Variants in MYH11 observed in about 807,000 individuals in gnomAD.
MYH11 encodes myosin heavy chain 11.
MYH11 carries 80 observed loss-of-function variants against 246.6 expected under a neutral mutation model. The ratio of observed to expected loss-of-function variants is 0.32; its 90% CI spans 0.27 to 0.39. The LOEUF (loss-of-function observed/expected upper bound fraction) is 0.39, where lower values mean the gene tolerates loss of function less well. MYH11 is among the 10% of genes least tolerant of loss of function. The pLI is 1.00. For synonymous variants in MYH11, 1,071 were observed against 1,015.5 expected, an observed-to-expected ratio of 1.05 and a Z score of -1.04; for missense variants, 2,158 against 2,546.8, an observed-to-expected ratio of 0.85 and a Z score of 3.29.
At chr16:15,771,435 C>CCTTTT in intron 9 of MYH11, 134 bp downstream of exon 9, 1 of 703,382 alleles carries the variant, frequency 1.4e-6, no homozygotes, top group Non-Finnish European at 2.2e-6. Flanking sequence ...CATTTTCCTC[C>CCTTTT]TTTTTTTTTT....
At chr16:15,830,070 G>A (rs999202746) in intron 2 of MYH11, among the ~76,000 whole-genome samples, 2 of 152,260 alleles carry the variant, frequency 1.3e-5, no homozygotes, top group African/African-American at 4.8e-5. Flanking sequence ...AGGTGGCAGA[G>A]GTTGCAGTGA....
At chr16:15,713,280 A>C (rs12324990) in intron 40 of MYH11, 13,449 of 151,506 alleles carry the variant, frequency 0.089, 1,154 homozygotes, top group African/African-American at 0.22. Context: ...ACAGAGGTGC[A>C]CGGAGGTAGG....
At chr16:15,848,228 C>CTT (rs71134473) in intron 1 of MYH11, among the ~76,000 whole-genome samples, 7 of 104,374 alleles carry the variant, frequency 6.7e-5, no homozygotes, top group African/African-American at 2.0e-4. Context: ...GTTGCTAAGT[C>CTT]TTTTTTTTTT....
chr16:15,704,116 T>C lies in MYH11; in HGVS notation c.5794A>G (p.Asn1932Asp). The change falls in exon 41 of 41, where the codon AAC becomes GAC. Residue 1932 changes from asparagine to aspartate, a missense_variant. Asn to Asp is a conservative substitution (Grantham distance 23). Transcript: ENST00000300036. ...CTAGAAGGAACGAAAGAGGTCTCGT[T>C]TCCTCGCCTGTGGGTTGTAAGAAAA... ...NALKSKLRRGNETSFVPSRRS... is the reference protein window; with the variant it reads ...NALKSKLRRGDETSFVPSRRS... 2 of 1,614,120 alleles carry C rather than the reference T, an allele frequency of 1.2e-6. No individual in the cohort carries two copies. The highest frequency in any genetic ancestry group is 8.5e-7 in the Non-Finnish European group (1 of 1,179,996).
At chr16:15,714,502 G>GAGGGGGAGAA in intron 40 of MYH11, 1 of 324,280 alleles carries the variant, frequency 3.1e-6, no homozygotes, top group Middle Eastern at 1.0e-3. Flanking sequence ...CAGCAGTGCT[G>GAGGGGGAGAA]AGGGGGAGAA....
chr16:15,744,086 C>G (rs2041350197), intron 20 of MYH11, among the ~76,000 whole-genome samples: 1 of 150,618 alleles, frequency 6.6e-6, no homozygotes, highest in Non-Finnish European at 1.5e-5. Flanking sequence ...GCCTGGGTAA[C>G]AGAGTGAGAC....
chr16:15,777,020 C>T (rs4482303), intron 7 of MYH11, among the ~76,000 whole-genome samples: 28,282 of 151,936 alleles, frequency 0.19, 2,781 homozygotes, highest in East Asian at 0.29. Flanking sequence ...TAGCAGTGCC[C>T]GGGCTACCAC....
At chr16:15,715,891 C>T (rs749924449) in intron 38 of MYH11, among the ~76,000 whole-genome samples, 2 of 152,104 alleles carry the variant, frequency 1.3e-5, no homozygotes, top group South Asian at 2.1e-4. Context: ...TCTGGGAGGC[C>T]GAGGTGGGCA....
At chr16:15,747,388 T>C (rs1408353110) in intron 19 of MYH11, among the ~76,000 whole-genome samples, 182 bp downstream of exon 19, 1 of 152,166 alleles carries the variant, frequency 6.6e-6, no homozygotes, top group Non-Finnish European at 1.5e-5. Context: ...GTTCCCTTCC[T>C]GCACTCGTAA....
At chr16:15,854,799 TC>T (rs1190156408) in intron 1 of MYH11, among the ~76,000 whole-genome samples, 1 of 152,138 alleles carries the variant, frequency 6.6e-6, no homozygotes, top group Non-Finnish European at 1.5e-5. Flanking sequence ...CTGTTTGGAT[TC>T]AAGACCTGTG....
intron 28 of MYH11, 44 bp from the exon 29 acceptor site, chr16:15,725,036 G>A: frequency 2.6e-6 from 4 of 1,552,868 alleles, no homozygotes; most frequent in Non-Finnish European, 3.5e-6. Context: ...TCTAGAAGGG[G>A]ATCCTCGTTG....
At chr16:15,786,779 T>C (rs1417773303) in intron 4 of MYH11, 47 bp from the exon 5 acceptor site, 1 of 1,519,720 alleles carries the variant, frequency 6.6e-7, no homozygotes, top group Non-Finnish European at 9.1e-7. Context: ...CATGGTGACC[T>C]TTCCGCAGTT....
At chr16:15,828,582 C>G (rs1279864280) in intron 2 of MYH11, among the ~76,000 whole-genome samples, 1 of 152,156 alleles carries the variant, frequency 6.6e-6, no homozygotes. Flanking sequence ...CACTTGAGGT[C>G]AGGAGTTCGA....
chr16:15,718,783 C>T, intron 36 of MYH11: 1 of 438,292 alleles, frequency 2.3e-6, no homozygotes, highest in Non-Finnish European at 4.2e-6. Flanking sequence ...ACCTAACCAC[C>T]ATGGGTCTGT....
Position 15,794,168 on chromosome 16 carries a change from G to A in MYH11, c.530+4492C>T, listed in dbSNP as rs372045540. 4.6e-5 allele frequency among the ~76,000 whole-genome samples: 7 copies of A among 150,648 alleles called. No homozygotes were observed. The East Asian group carries it at 7.8e-4, about 17-fold the overall frequency. On this transcript the variant is annotated intron_variant, in intron 4 of 40. Coordinates refer to ENST00000300036, the MANE Select transcript of MYH11 (RefSeq NM_002474.3). ...TCACCGTGTTAGCCAGGATGGTCTC[G>A]AACTCCTGACCTCGTGATCCGCCCG...
rs1264656948 is a variant in MYH11, at chr16:15,714,919, T to C, written c.5776A>G (p.Ser1926Gly). ...AMGREVNALK[S>G]KLRRGNETSF... ...CCACGGGCTCCTCACCTGAGCTTGC[T>C]CTTGAGTGCGTTCACCTCGCGGCCC... Residue 1926 changes from serine to glycine, a missense_variant, in exon 40 of 41, where the codon AGC becomes GGC. Ser to Gly is a moderately conservative substitution (Grantham distance 56, BLOSUM62 0). Coordinates refer to ENST00000300036, the MANE Select transcript of MYH11 (RefSeq NM_002474.3). 2 of 1,613,960 alleles carry C rather than the reference T, an allele frequency of 1.2e-6. No homozygotes were observed. The highest frequency in any genetic ancestry group is 1.7e-6 in the Non-Finnish European group (2 of 1,180,018).
At chr16:15,756,820 CAG>C (rs2041733695) in intron 13 of MYH11, among the ~76,000 whole-genome samples, 2 of 104,886 alleles carry the variant, frequency 1.9e-5, no homozygotes, top group Admixed American at 2.5e-4. Context: ...TTTTTTGAGA[CAG>C]AGTTTTGCCT....
intron 5 of MYH11, among the ~76,000 whole-genome samples, chr16:15,783,818 A>G (rs2042408320): frequency 6.6e-6 from 1 of 152,166 alleles, no homozygotes; most frequent in Non-Finnish European, 1.5e-5. Flanking sequence ...TGATGAAACC[A>G]TAGCCCCGAG....
rs373601062 is a variant in MYH11, at chr16:15,760,601, A to G, written c.1187T>C (p.Ile396Thr). 1.9e-6 allele frequency: 3 copies of G among 1,614,164 alleles called. No individual in the cohort carries two copies. The highest frequency in any genetic ancestry group is 2.5e-6 in the Non-Finnish European group (3 of 1,180,020). The change falls in exon 11 of 41, where the codon ATC becomes ACC. Residue 396 changes from isoleucine (I) to threonine (T), a missense_variant. Around this residue, in one of 11 missense-constraint regions of MYH11, gnomAD observed 317 missense variants for 507.7 expected, o/e 0.62. Coordinates refer to ENST00000300036, the MANE Select transcript of MYH11 (RefSeq NM_002474.3). ...GINVTDFTRS[I>T]LTPRIKVGRD... ...CCCAACCTTGATACGAGGAGTGAGG[A>G]TGGATCTGGTGAAATCTGTCACATT... is the stretch of plus-strand genomic sequence containing the variant.
Sources: allele counts gnomAD v4.1 joint callset (sites outside exome capture counted in the v4.1 genomes callset), GRCh38; gene constraint gnomAD v4.1.1; regional missense constraint gnomAD v4.1.1; transcripts MANE v1.5; gene names NCBI Gene and HGNC (gene_info 2026-07-23, HGNC 2026-07-21).